LARGE1: variants seen among roughly 807,000 people sequenced by gnomAD.
LARGE1 encodes the protein xylosyl- and glucuronyltransferase LARGE1.
In LARGE1, 43 loss-of-function variants were observed where a neutral mutation model predicts 87.6. The observed-to-expected ratio is 0.49, with a 90% CI of 0.38 to 0.63. The LOEUF (loss-of-function observed/expected upper bound fraction) is 0.63, where lower values mean the gene tolerates loss of function less well. Among genes scored for constraint, LARGE1 ranks in the 30% least tolerant of loss-of-function variants. LARGE1 has a pLI of 0.00. For synonymous variants in LARGE1, 434 were observed against 394.6 expected, an observed-to-expected ratio of 1.10 and a Z score of -1.18; for missense variants, 802 against 1,000.2, an observed-to-expected ratio of 0.80 and a Z score of 2.67.
At chr22:33,375,569 T>C (rs2064965524) in intron 9 of LARGE1, among the ~76,000 whole-genome samples, 1 of 152,198 alleles carries the variant, frequency 6.6e-6, no homozygotes, top group Admixed American at 6.5e-5. Flanking sequence ...TTGACTGAAA[T>C]GTCATATCTG....
the LARGE1 span, among the ~76,000 whole-genome samples, chr22:33,139,409 C>T: frequency 6.6e-6 from 1 of 152,078 alleles, no homozygotes; most frequent in Non-Finnish European, 1.5e-5. Flanking sequence ...CCTTCTGTTG[C>T]TTCCTTTACA....
intron 12 of LARGE1, among the ~76,000 whole-genome samples, chr22:33,288,095 T>C (rs1931875467): frequency 6.6e-6 from 1 of 152,150 alleles, no homozygotes; most frequent in East Asian, 1.9e-4. Context: ...CCTTTCTGTA[T>C]CAGATGGCCC....
intron 9 of LARGE1, among the ~76,000 whole-genome samples, chr22:33,356,104 G>T (rs1940868837): frequency 6.6e-6 from 1 of 152,194 alleles, no homozygotes; most frequent in Non-Finnish European, 1.5e-5. Context: ...ATACACTCTG[G>T]AAAATGCTGT....
At chr22:33,530,000 C>G (rs975381716) in intron 6 of LARGE1, among the ~76,000 whole-genome samples, 8 of 152,158 alleles carry the variant, frequency 5.3e-5, no homozygotes, top group Non-Finnish European at 1.2e-4. Flanking sequence ...CTCTATAAAC[C>G]AGACATGGTA....
Position 33,283,364 on chromosome 22 carries a change from A to C in LARGE1, c.1731-16T>G, listed in dbSNP as rs760036160. 6.2e-7 allele frequency: 1 copy of C among 1,614,150 alleles called. No homozygotes were observed. Among genetic ancestry groups the C allele is most frequent in the South Asian group, 1.1e-5 (1 of 91,084 alleles). ...GACAGACTTCCTGAAAAGAGGGGACAGGCAGAGAGACAGAGTCCCTGTGAC... is the reference window on the plus strand; with the variant it reads ...GACAGACTTCCTGAAAAGAGGGGACCGGCAGAGAGACAGAGTCCCTGTGAC... On this transcript the variant is annotated splice_polypyrimidine_tract_variant and intron_variant, in intron 12 of 14. Transcript: ENST00000397394.
intron 11 of LARGE1, among the ~76,000 whole-genome samples, chr22:33,248,092 G>A (rs575715146): frequency 3.9e-5 from 6 of 152,124 alleles, no homozygotes; most frequent in Non-Finnish European, 8.8e-5. Context: ...CTTTTTTCAA[G>A]TCTTTATTTT....
At chr22:33,409,492 T>C (rs2066228771) in intron 7 of LARGE1, among the ~76,000 whole-genome samples, 1 of 152,200 alleles carries the variant, frequency 6.6e-6, no homozygotes, top group Non-Finnish European at 1.5e-5. Flanking sequence ...GGCTTGTGTC[T>C]GTAGCTGTTA....
intron 11 of LARGE1, among the ~76,000 whole-genome samples, chr22:33,171,930 C>T (rs995160989): frequency 3.3e-5 from 5 of 152,164 alleles, no homozygotes; most frequent in African/African-American, 1.2e-4. Context: ...GCACCATACA[C>T]CTGGAAACAC....
At chr22:33,247,832 C>T (rs1805910786) in intron 11 of LARGE1, among the ~76,000 whole-genome samples, 1 of 152,148 alleles carries the variant, frequency 6.6e-6, no homozygotes. Flanking sequence ...CTGACTGGTG[C>T]CTTGCCTGAA....
At chr22:33,244,060 C>A (rs1926642623) in intron 11 of LARGE1, among the ~76,000 whole-genome samples, 1 of 152,170 alleles carries the variant, frequency 6.6e-6, no homozygotes, top group Non-Finnish European at 1.5e-5. Flanking sequence ...GCGATCTCGG[C>A]TCACTGTAAG....
At chr22:33,756,877 GAGCTT>G (rs2084532685) in intron 2 of LARGE1, among the ~76,000 whole-genome samples, 1 of 152,164 alleles carries the variant, frequency 6.6e-6, no homozygotes. Context: ...CTACAAGGCC[GAGCTT>G]AGACTCAACA....
rs542561332 is a variant in LARGE1, at chr22:33,799,722, G to A, written c.-82-38164C>T. On this transcript the variant is annotated intron_variant, in intron 1 of 14. Transcript: ENST00000397394. Reference sequence around the variant, plus strand: ...GCTGGGATTACAGAAGTGAGCCACCGTGCCCGGTCAATAAGGAACATTCTC... The same window carrying A: ...GCTGGGATTACAGAAGTGAGCCACCATGCCCGGTCAATAAGGAACATTCTC... Among the ~76,000 whole-genome samples, 4 of 152,288 alleles carry A rather than the reference G, an allele frequency of 2.6e-5. No individual in the cohort carries two copies. In the South Asian group the frequency reaches 6.2e-4, roughly 24 times the overall value.
At chr22:33,414,301 G>A (rs2066411750) in intron 7 of LARGE1, among the ~76,000 whole-genome samples, 1 of 152,108 alleles carries the variant, frequency 6.6e-6, no homozygotes, top group Non-Finnish European at 1.5e-5. Flanking sequence ...GATTGCCAGG[G>A]ACTAGGGGAA....
At chr22:33,319,385 T>C (rs8142048) in intron 10 of LARGE1, among the ~76,000 whole-genome samples, 7,368 of 152,168 alleles carry the variant, frequency 0.048, 322 homozygotes, top group African/African-American at 0.13. Context: ...CTGGCCCAGC[T>C]GCCTCAATAA....
intron 5 of LARGE1, among the ~76,000 whole-genome samples, chr22:33,573,346 G>C (rs2078261097): frequency 6.6e-6 from 1 of 152,084 alleles, no homozygotes; most frequent in African/African-American, 2.4e-5. Context: ...GGCTGAGGCA[G>C]TAGAACCACT....
At chr22:33,209,646 C>A (rs542422118) in intron 11 of LARGE1, among the ~76,000 whole-genome samples, 71 of 152,088 alleles carry the variant, frequency 4.7e-4, no homozygotes, top group Non-Finnish European at 9.3e-4. Context: ...AGTTCTCAAT[C>A]GTTTCTTTTA....
intron 6 of LARGE1, among the ~76,000 whole-genome samples, chr22:33,454,288 TA>T (rs944063455): frequency 7.2e-5 from 11 of 151,878 alleles, no homozygotes; most frequent in East Asian, 1.9e-4. Context: ...CACATTGCTA[TA>T]AAAAAAATGC....
At chr22:33,478,634 T>C (rs752253675) in intron 6 of LARGE1, among the ~76,000 whole-genome samples, 1 of 152,220 alleles carries the variant, frequency 6.6e-6, no homozygotes, top group African/African-American at 2.4e-5. Flanking sequence ...TTAGCCCCTC[T>C]GAACCACAAT....
At chr22:33,428,758 T>TAAA (rs763068404) in intron 7 of LARGE1, among the ~76,000 whole-genome samples, 1 of 95,290 alleles carries the variant, frequency 1.0e-5, no homozygotes, top group Non-Finnish European at 2.0e-5. Flanking sequence ...CCGTCACTAC[T>TAAA]AAAAAAAAAA....
Sources: gnomAD v4.1 joint callset for allele counts (sites outside exome capture counted in the v4.1 genomes callset) on GRCh38, gnomAD v4.1.1 for gene constraint, MANE v1.5 for transcripts, NCBI Gene and HGNC (gene_info 2026-07-23, HGNC 2026-07-21) for gene names.